The following HDAC9 variants were observed in gnomAD, a reference collection of about 807,000 sequenced individuals.
HDAC9 encodes the protein MEF-2 interacting transcription repressor (MITR) protein.
In HDAC9, 41 loss-of-function variants were observed where a neutral mutation model predicts 139.4. The observed-to-expected ratio is 0.29, with a 90% CI of 0.23 to 0.38. The LOEUF (loss-of-function observed/expected upper bound fraction) is 0.38. HDAC9 is among the 10% of genes least tolerant of loss of function. The pLI, the probability that HDAC9 is intolerant of heterozygous loss-of-function variation, is 1.00. For missense variants in HDAC9, 1,147 were observed against 1,297.0 expected (o/e 0.88, Z 1.78); for synonymous variants, 517 against 476.2 (o/e 1.09, Z -1.12).
At chr7:18,555,883 G>A (rs1293654350) in intron 2 of HDAC9, among the ~76,000 whole-genome samples, 1 of 152,024 alleles carries the variant, frequency 6.6e-6, no homozygotes, top group Non-Finnish European at 1.5e-5. Context: ...TGGCAAAATA[G>A]TTGTATTGTA....
intron 16 of HDAC9, among the ~76,000 whole-genome samples, chr7:18,786,330 C>G (rs1282908542): frequency 6.6e-6 from 1 of 152,134 alleles, no homozygotes; most frequent in Non-Finnish European, 1.5e-5. Context: ...TCTTTATCCT[C>G]TTGTAGTCCC....
chr7:18,195,066 T>C (rs1790629657), intron 2 of HDAC9, among the ~76,000 whole-genome samples: 1 of 152,132 alleles, frequency 6.6e-6, no homozygotes, highest in Admixed American at 6.6e-5. Flanking sequence ...CTGCCACTGG[T>C]CACAAACGCT....
chr7:18,393,381 A>G (rs1294235724), intron 1 of HDAC9, among the ~76,000 whole-genome samples: 2 of 152,210 alleles, frequency 1.3e-5, no homozygotes, highest in African/African-American at 4.8e-5. Flanking sequence ...AGACCTGGAT[A>G]GTAAAGGAGT....
At chr7:18,632,365 A>G (rs1400463867) in intron 7 of HDAC9, among the ~76,000 whole-genome samples, 1 of 152,074 alleles carries the variant, frequency 6.6e-6, no homozygotes, top group African/African-American at 2.4e-5. Context: ...TTCCAGTGGT[A>G]CTGCATTTCT....
intron 1 of HDAC9, among the ~76,000 whole-genome samples, chr7:18,130,926 C>T (rs1035808895): frequency 2.0e-5 from 3 of 151,976 alleles, no homozygotes; most frequent in Non-Finnish European, 2.9e-5. Context: ...GTCCAAACTT[C>T]GAAGAGTTTC....
intron 21 of HDAC9, among the ~76,000 whole-genome samples, chr7:18,871,828 T>C (rs1409676166): frequency 1.3e-5 from 2 of 152,138 alleles, no homozygotes; most frequent in Non-Finnish European, 2.9e-5. Context: ...AATAAAGAGA[T>C]CTGTGGAGTC....
chr7:18,804,388 C>T (rs1208246428), intron 17 of HDAC9, among the ~76,000 whole-genome samples: 2 of 152,130 alleles, frequency 1.3e-5, no homozygotes, highest in African/African-American at 4.8e-5. Context: ...CACATACACA[C>T]AAACACGCTG....
rs559068942 is a variant in HDAC9 at position 18,212,797 on chromosome 7, A to G, written c.25+50448A>G. Among the ~76,000 whole-genome samples, 5 of 152,316 alleles carry G rather than the reference A, an allele frequency of 3.3e-5. No individual in the cohort carries two copies. In the South Asian group the frequency reaches 1.0e-3, roughly 32 times the overall value. ...ATCTGTGCAGCTGGAGACTAAACCA[A>G]AGTGTCACATAAACCTTTTCCTAAT... On this transcript the variant is annotated intron_variant, in intron 2 of 12. Coordinates refer to the HDAC9 transcript ENST00000417496.
chr7:18,741,697 C>A (rs773462460), intron 13 of HDAC9, among the ~76,000 whole-genome samples: 1 of 152,178 alleles, frequency 6.6e-6, no homozygotes, highest in Non-Finnish European at 1.5e-5. Flanking sequence ...CTTCCATAGA[C>A]AGTGATTCCC....
At chr7:18,592,765 C>A (rs1159824552) in intron 5 of HDAC9, among the ~76,000 whole-genome samples, 2 of 152,066 alleles carry the variant, frequency 1.3e-5, no homozygotes, top group Non-Finnish European at 2.9e-5. Context: ...AAAAACAAAT[C>A]TCTGAAAAAC....
At chr7:18,484,234 C>T (rs139045431) in intron 1 of HDAC9, among the ~76,000 whole-genome samples, 55 of 149,708 alleles carry the variant, frequency 3.7e-4, no homozygotes, top group African/African-American at 1.3e-3. Flanking sequence ...AGTCCCAGCG[C>T]TTGAGGGGAG....
chr7:18,820,323 A>G (rs1489246400), intron 17 of HDAC9, among the ~76,000 whole-genome samples: 1 of 152,192 alleles, frequency 6.6e-6, no homozygotes, highest in Non-Finnish European at 1.5e-5. Flanking sequence ...TGGTTCTAGT[A>G]TAATATAGAA....
chr7:18,116,404 A>G (rs2128088278), intron 1 of HDAC9, among the ~76,000 whole-genome samples: 1 of 152,284 alleles, frequency 6.6e-6, no homozygotes, highest in Non-Finnish European at 1.5e-5. Flanking sequence ...TGATTAAATG[A>G]TATTAATCAA....
chr7:18,195,492 G>C (rs1436147824), intron 2 of HDAC9, among the ~76,000 whole-genome samples: 3 of 151,712 alleles, frequency 2.0e-5, no homozygotes, highest in African/African-American at 7.3e-5. Flanking sequence ...GTCAGTTTAT[G>C]CTGCCAGATA....
chr7:18,192,828 A>G (rs1790448811), intron 2 of HDAC9, among the ~76,000 whole-genome samples: 1 of 152,178 alleles, frequency 6.6e-6, no homozygotes, highest in Admixed American at 6.5e-5. Context: ...TTTTATATAG[A>G]TAAGCATGTT....
At chr7:18,296,163 A>G (rs1483025267) in intron 1 of HDAC9, among the ~76,000 whole-genome samples, 1 of 152,150 alleles carries the variant, frequency 6.6e-6, no homozygotes, top group East Asian at 1.9e-4. Context: ...ACCTCTGCAG[A>G]ATTTTCAATA....
intron 12 of HDAC9, among the ~76,000 whole-genome samples, chr7:18,684,485 C>G (rs1365799774): frequency 6.6e-6 from 1 of 151,714 alleles, no homozygotes; most frequent in Non-Finnish European, 1.5e-5. Flanking sequence ...AACAAACAAA[C>G]AAACAAACAA....
chr7:18,450,015 A>T (rs1039783267), intron 1 of HDAC9, among the ~76,000 whole-genome samples: 1 of 152,194 alleles, frequency 6.6e-6, no homozygotes, highest in Admixed American at 6.5e-5. Flanking sequence ...GGTGTTAACA[A>T]ATGAAACAAG....
chr7:18,749,244 C>T, intron 14 of HDAC9, 106 bp downstream of exon 14: 1 of 1,150,514 alleles, frequency 8.7e-7, no homozygotes, highest in South Asian at 1.5e-5. Context: ...ATAGTGCAAA[C>T]ACCATGATTG....
Sources: gnomAD v4.1 joint callset for allele counts (sites outside exome capture counted in the v4.1 genomes callset) on GRCh38, gnomAD v4.1.1 for gene constraint, MANE v1.5 for transcripts, NCBI Gene and HGNC (gene_info 2026-07-23, HGNC 2026-07-21) for gene names.